Variants in NXPH1 observed in about 807,000 individuals in gnomAD.
The protein encoded by NXPH1 is neurexophilin-1.
In NXPH1, 5 loss-of-function variants were observed where a neutral mutation model predicts 23.7. The ratio of observed to expected loss-of-function variants is 0.21; its 90% CI spans 0.11 to 0.44. The LOEUF is 0.44. NXPH1 is among the 20% of genes least tolerant of loss of function. The probability of loss-of-function intolerance (pLI) is 0.99; values close to 1 mark genes in which losing one functional copy is unlikely to be tolerated. For synonymous variants in NXPH1, 144 were observed against 122.2 expected, an observed-to-expected ratio of 1.18 and a Z score of -1.18; for missense variants, 324 against 321.6, an observed-to-expected ratio of 1.01 and a Z score of -0.06.
chr7:8,573,648 C>G (rs956954709), intron 2 of NXPH1, among the ~76,000 whole-genome samples: 2 of 152,110 alleles, frequency 1.3e-5, no homozygotes, highest in African/African-American at 4.8e-5. Context: ...AATGAGCTTT[C>G]TTTTTGCAGG....
At chr7:8,743,909 C>G (rs1780423497) in intron 2 of NXPH1, among the ~76,000 whole-genome samples, 1 of 152,044 alleles carries the variant, frequency 6.6e-6, no homozygotes, top group Non-Finnish European at 1.5e-5. Flanking sequence ...TGGTCTCTAC[C>G]TCCCGACCTT....
chr7:8,452,390 C>T (rs1461009728), intron 2 of NXPH1, among the ~76,000 whole-genome samples: 2 of 152,124 alleles, frequency 1.3e-5, no homozygotes, highest in Admixed American at 6.6e-5. Flanking sequence ...AATATTCCTC[C>T]TGTTCCCATT....
chr7:8,690,307 T>C (rs932232443), intron 2 of NXPH1: 3 of 152,252 alleles, frequency 2.0e-5, no homozygotes, highest in African/African-American at 4.8e-5. Context: ...GAAAGTCTAT[T>C]AATAAATGGG....
intron 2 of NXPH1, among the ~76,000 whole-genome samples, chr7:8,547,960 G>C (rs142079255): frequency 3.3e-5 from 5 of 151,614 alleles, no homozygotes; most frequent in African/African-American, 9.6e-5. Context: ...ACAAGTGCTG[G>C]TGTTTTTTTG....
At chr7:8,474,027 C>G (rs1461436165) in intron 2 of NXPH1, among the ~76,000 whole-genome samples, 1 of 152,158 alleles carries the variant, frequency 6.6e-6, no homozygotes, top group Non-Finnish European at 1.5e-5. Flanking sequence ...TCTACAAGAG[C>G]CTGCTGTGAC....
At chr7:8,465,367 G>C (rs1031670449) in intron 2 of NXPH1, among the ~76,000 whole-genome samples, 1 of 152,106 alleles carries the variant, frequency 6.6e-6, no homozygotes, top group Non-Finnish European at 1.5e-5. Context: ...GGTGACATTG[G>C]GGATTGTGTC....
intron 2 of NXPH1, among the ~76,000 whole-genome samples, chr7:8,699,066 T>C (rs114971792): frequency 6.6e-6 from 1 of 152,084 alleles, no homozygotes; most frequent in African/African-American, 2.4e-5. Flanking sequence ...ATAATTACAT[T>C]TGGAGGATTA....
intron 2 of NXPH1, among the ~76,000 whole-genome samples, chr7:8,705,928 C>T (rs892934812): frequency 6.6e-6 from 1 of 152,298 alleles, no homozygotes; most frequent in African/African-American, 2.4e-5. Flanking sequence ...ACTGTGTCTA[C>T]TGAGTAACTG....
chr7:8,723,449 A>G (rs1780001237), intron 2 of NXPH1, among the ~76,000 whole-genome samples: 1 of 152,162 alleles, frequency 6.6e-6, no homozygotes, highest in African/African-American at 2.4e-5. Context: ...AGCCCCCCAA[A>G]ATATAGTTTT....
At chr7:8,450,052 G>A (rs962673362) in intron 2 of NXPH1, among the ~76,000 whole-genome samples, 4 of 152,182 alleles carry the variant, frequency 2.6e-5, no homozygotes, top group African/African-American at 9.7e-5. Context: ...GGTAAGAAGC[G>A]AGACTGGGAC....
chr7:8,626,258 T>A (rs573875178), intron 2 of NXPH1, among the ~76,000 whole-genome samples: 1 of 152,096 alleles, frequency 6.6e-6, no homozygotes, highest in Admixed American at 6.6e-5. Context: ...TAATGAAGCA[T>A]GGTTGGATAT....
intron 2 of NXPH1, among the ~76,000 whole-genome samples, chr7:8,730,478 C>A (rs929274527): frequency 6.6e-6 from 1 of 151,958 alleles, no homozygotes; most frequent in African/African-American, 2.4e-5. Flanking sequence ...GCAGCTGGTA[C>A]CGGTTGTTCC....
At chr7:8,461,245 G>A (rs1816689306) in intron 2 of NXPH1, among the ~76,000 whole-genome samples, 1 of 152,146 alleles carries the variant, frequency 6.6e-6, no homozygotes, top group Non-Finnish European at 1.5e-5. Context: ...TACATGGTTA[G>A]GAAGAGATTC....
At chr7:8,627,531 G>C (rs946103676) in intron 2 of NXPH1, among the ~76,000 whole-genome samples, 1 of 152,080 alleles carries the variant, frequency 6.6e-6, no homozygotes, top group Non-Finnish European at 1.5e-5. Context: ...GGGGAGAAAG[G>C]CCTGACACTA....
At chr7:8,635,531 G>C (rs1021342483) in intron 2 of NXPH1, among the ~76,000 whole-genome samples, 2 of 152,082 alleles carry the variant, frequency 1.3e-5, no homozygotes, top group African/African-American at 2.4e-5. Context: ...AATCTTAAGG[G>C]CAATGTTATG....
rs73678060 is a variant in NXPH1 at position 8,574,767 on chromosome 7, G to T, written c.54+139000G>T. Among the ~76,000 whole-genome samples the T allele has an allele frequency of 0.013, 1,975 of 152,208 alleles. 91 individuals carry two copies. The East Asian group carries it at 0.14, about 10-fold the overall frequency. ...CTGTCACAACATCCCTTCTCAATTC[G>T]AAAGGGAAGAAAAGAGATTCATAGG... On this transcript the variant is annotated intron_variant, in intron 2 of 2. Transcript: ENST00000405863.
At chr7:8,477,804 C>T (rs1008396162) in intron 2 of NXPH1, among the ~76,000 whole-genome samples, 2 of 152,070 alleles carry the variant, frequency 1.3e-5, no homozygotes, top group East Asian at 1.9e-4. Context: ...GCCATTATTG[C>T]TATTCTATTT....
intron 2 of NXPH1, among the ~76,000 whole-genome samples, chr7:8,689,500 C>A (rs1404507462): frequency 1.3e-5 from 2 of 152,050 alleles, no homozygotes; most frequent in Admixed American, 6.6e-5. Flanking sequence ...ATGCATAGGC[C>A]TGAAGGGGAG....
At chr7:8,515,390 C>G (rs1219630523) in intron 2 of NXPH1, among the ~76,000 whole-genome samples, 1 of 152,058 alleles carries the variant, frequency 6.6e-6, no homozygotes, top group Non-Finnish European at 1.5e-5. Context: ...AATATTTTAT[C>G]TCCTGCCATG....
Sources: allele counts gnomAD v4.1 joint callset (sites outside exome capture counted in the v4.1 genomes callset), GRCh38; gene constraint gnomAD v4.1.1; transcripts MANE v1.5; gene names NCBI Gene and HGNC (gene_info 2026-07-23, HGNC 2026-07-21).